The following ZNF831 variants were observed in gnomAD, a reference collection of about 807,000 sequenced individuals.
The protein encoded by ZNF831 is zinc finger protein 831.
A neutral mutation model predicts 95.8 loss-of-function variants in ZNF831; 59 were observed. The observed-to-expected ratio is 0.62, with a 90% CI of 0.50 to 0.77. The LOEUF (loss-of-function observed/expected upper bound fraction) is 0.77, where lower values mean the gene tolerates loss of function less well. Among genes scored for constraint, ZNF831 ranks in the 30% least tolerant of loss-of-function variants. The pLI is 0.00. For synonymous variants in ZNF831, 961 were observed against 925.5 expected (o/e 1.04, Z -0.70); for missense variants, 2,205 against 2,164.0 (o/e 1.02, Z -0.38).
intron 1 of ZNF831, among the ~76,000 whole-genome samples, chr20:59,164,803 C>T (rs1391449603): frequency 6.6e-6 from 1 of 152,154 alleles, no homozygotes; most frequent in Non-Finnish European, 1.5e-5. Context: ...TGGAGGCTAT[C>T]TCAGATCAGC....
intron 1 of ZNF831, among the ~76,000 whole-genome samples, chr20:59,185,163 C>T (rs547762759): frequency 6.6e-6 from 1 of 152,278 alleles, no homozygotes; most frequent in South Asian, 2.1e-4. Flanking sequence ...GACAATAGGA[C>T]TTGCCATCTC....
chr20:59,155,348 T>G (rs1416779136), intron 2 of ZNF831, among the ~76,000 whole-genome samples: 1 of 152,232 alleles, frequency 6.6e-6, no homozygotes, highest in African/African-American at 2.4e-5. Flanking sequence ...ATGAATGCAC[T>G]AATATTTTTG....
rs576989961 is a variant in ZNF831 at position 59,209,176 on chromosome 20, T to C, written c.4027+2120T>C. ...GTCTGTCTAGGATGTCGACGGTCTG[T>C]CAGTGTGAGATTCAAGGTGCAGCAA... On this transcript the variant is annotated intron_variant, in intron 4 of 5. Coordinates refer to ENST00000371030, the MANE Select transcript of ZNF831 (RefSeq NM_178457.3). Among the ~76,000 whole-genome samples the C allele has an allele frequency of 4.6e-5, 7 of 152,296 alleles. No homozygotes were observed. The East Asian group carries it at 1.4e-3, about 29-fold the overall frequency.
At chr20:59,151,281 CCCTT>C (rs1244705781) in intron 2 of ZNF831, among the ~76,000 whole-genome samples, 23 of 152,162 alleles carry the variant, frequency 1.5e-4, no homozygotes. Context: ...CCTGGGATAA[CCCTT>C]CCTGAGGCTC....
upstream of ZNF831, chr20:59,160,429 C>T (rs1261974387): frequency 1.3e-5 from 2 of 152,348 alleles, no homozygotes; most frequent in Admixed American, 6.5e-5. Context: ...CCTCTGAGGC[C>T]CCAGAGGTGC....
chr20:59,127,563 C>T (rs118011515), intron 1 of ZNF831, among the ~76,000 whole-genome samples: 148 of 152,330 alleles, frequency 9.7e-4, no homozygotes, highest in South Asian at 6.6e-3. Context: ...GTGCTTTCCT[C>T]GATTTCCATG....
At chr20:59,222,451 C>A (rs983978705) in intron 4 of ZNF831, among the ~76,000 whole-genome samples, 2 of 151,932 alleles carry the variant, frequency 1.3e-5, no homozygotes, top group African/African-American at 4.8e-5. Flanking sequence ...AAGCCTCAAT[C>A]TTGCAGGAGC....
chr20:59,189,173 G>A (rs891956789), intron 1 of ZNF831, among the ~76,000 whole-genome samples: 6 of 150,464 alleles, frequency 4.0e-5, no homozygotes, highest in African/African-American at 7.4e-5. Context: ...ACAGCAGGAC[G>A]CCATCTCAAA....
intron 1 of ZNF831, among the ~76,000 whole-genome samples, chr20:59,183,645 T>C (rs1234211441): frequency 6.6e-6 from 1 of 152,256 alleles, no homozygotes; most frequent in Non-Finnish European, 1.5e-5. Flanking sequence ...TCATGGTTTA[T>C]ACCTTGCATT....
rs552132075 is a variant in ZNF831, at chr20:59,191,158, G to A, written c.139G>A (p.Gly47Ser). Reference protein sequence around the residue: ...LGPVLLPPEQGLAPPTVFLKA... With the variant: ...LGPVLLPPEQSLAPPTVFLKA... ...CCCTGTCCTTCTGCCGCCAGAGCAGGGCCTGGCCCCCCCCACTGTGTTCCT... is the reference window on the plus strand; with the variant it reads ...CCCTGTCCTTCTGCCGCCAGAGCAGAGCCTGGCCCCCCCCACTGTGTTCCT... Residue 47 changes from glycine (G) to serine (S), a missense_variant, in exon 2 of 6, where the codon GGC (glycine) becomes AGC (serine). By Grantham distance (56) the Gly-to-Ser change is moderately conservative. Coordinates refer to ENST00000371030, the MANE Select transcript of ZNF831 (RefSeq NM_178457.3). 1.2e-6 allele frequency: 2 copies of A among 1,602,176 alleles called. No homozygotes were observed. Among genetic ancestry groups the A allele is most frequent in the South Asian group, 1.1e-5 (1 of 90,492 alleles).
chr20:59,209,733 C>T lies in ZNF831; in HGVS notation c.4027+2677C>T, dbSNP rs1985158806. Reference sequence around the variant, plus strand: ...CCCTCTGGACTTTCTAGGGGTGATCCTTCCTGGCCTCTTTTGGCTTCTGGG... The same window carrying T: ...CCCTCTGGACTTTCTAGGGGTGATCTTTCCTGGCCTCTTTTGGCTTCTGGG... On this transcript the variant is annotated intron_variant, in intron 4 of 5. Coordinates refer to ENST00000371030, the MANE Select transcript of ZNF831 (RefSeq NM_178457.3). Among the ~76,000 whole-genome samples the T allele has an allele frequency of 2.0e-5, 3 of 150,620 alleles. No individual in the cohort carries two copies. The South Asian group carries it at 6.3e-4, about 32-fold the overall frequency.
intron 4 of ZNF831, among the ~76,000 whole-genome samples, chr20:59,238,838 A>G (rs766089194): frequency 2.3e-5 from 3 of 129,482 alleles, no homozygotes; most frequent in East Asian, 5.1e-4. Context: ...GAGCCTGGGT[A>G]TGGATTTCTT....
At position 59,254,771 on chromosome 20, in the gene ZNF831, C is replaced by T; in HGVS notation, c.*28C>T. 6.8e-7 allele frequency: 1 copy of T among 1,480,366 alleles called. No homozygotes were observed. The highest frequency in any genetic ancestry group is 9.2e-7 in the Non-Finnish European group (1 of 1,092,692). 91.7% of individuals were successfully genotyped at this position (1,480,366 alleles called of 1,614,324 possible). A position where few individuals can be genotyped will look rare whatever the true frequency, so the allele number is the denominator to read the frequency against. ...CTTCCAGAGAAACATGGTGTCTGGT[C>T]AAAAAGACTGTTGACGCTTCACAAG... On this transcript the variant is annotated 3_prime_UTR_variant, in exon 6 of 6. Transcript: ENST00000371030. The surrounding 1 kb of genome is among the most constrained non-coding windows in gnomAD (Gnocchi z 4.5).
At chr20:59,184,611 A>C (rs1982869822) in intron 1 of ZNF831, among the ~76,000 whole-genome samples, 1 of 152,188 alleles carries the variant, frequency 6.6e-6, no homozygotes, top group Non-Finnish European at 1.5e-5. Flanking sequence ...TACGTGGCGG[A>C]GTGGGTGATG....
At chr20:59,128,327 AG>A (rs1226277056) in intron 1 of ZNF831, among the ~76,000 whole-genome samples, 3 of 152,182 alleles carry the variant, frequency 2.0e-5, no homozygotes, top group Non-Finnish European at 2.9e-5. Context: ...TGTCCCTGCA[AG>A]GGTATGGAAC....
intron 1 of ZNF831, among the ~76,000 whole-genome samples, chr20:59,133,004 A>G (rs991147022): frequency 2.0e-5 from 3 of 151,004 alleles, no homozygotes; most frequent in Non-Finnish European, 4.4e-5. Flanking sequence ...GGCAGTTGCT[A>G]TGCTCCGGTC....
chr20:59,149,063 T>A (rs752389927), intron 2 of ZNF831, among the ~76,000 whole-genome samples: 12 of 152,186 alleles, frequency 7.9e-5, no homozygotes, highest in Non-Finnish European at 1.6e-4. Context: ...CCTTCCAGGC[T>A]GGCCGTGTCT....
At chr20:59,215,958 A>AGAGATTT in intron 4 of ZNF831, among the ~76,000 whole-genome samples, 1 of 152,338 alleles carries the variant, frequency 6.6e-6, no homozygotes, top group Non-Finnish European at 1.5e-5. Flanking sequence ...TCTGCTAAAA[A>AGAGATTT]GAGATTTGGA....
intron 1 of ZNF831, among the ~76,000 whole-genome samples, chr20:59,132,161 TAG>T (rs1011120833): frequency 2.0e-5 from 3 of 152,252 alleles, no homozygotes; most frequent in African/African-American, 7.2e-5. Flanking sequence ...AATAATATGA[TAG>T]AGTCATCTTT....
Sources: allele counts gnomAD v4.1 joint callset (sites outside exome capture counted in the v4.1 genomes callset), GRCh38; gene constraint gnomAD v4.1.1; non-coding constraint Gnocchi (gnomAD v3.1); transcripts MANE v1.5; gene names NCBI Gene and HGNC (gene_info 2026-07-23, HGNC 2026-07-21).